The following MTARC2 variants were observed in gnomAD, a reference collection of about 807,000 sequenced individuals.
MTARC2 encodes the protein MOCO sulphurase C-terminal domain containing 2.
In MTARC2, 27 loss-of-function variants were observed where a neutral mutation model predicts 35.6. That is an observed-to-expected ratio of 0.76 (90% CI 0.56 to 1.04). The LOEUF (loss-of-function observed/expected upper bound fraction) is 1.04. Ranked by LOEUF, MTARC2 falls within the 50% of genes least tolerant of loss-of-function variation. The pLI is 0.00. For synonymous variants in MTARC2, 158 were observed against 167.1 expected (o/e 0.95, Z 0.42); for missense variants, 412 against 432.5 (o/e 0.95, Z 0.42).
intron 2 of MTARC2, among the ~76,000 whole-genome samples, chr1:220,757,500 T>C (rs1463441893): frequency 6.6e-6 from 1 of 152,192 alleles, no homozygotes; most frequent in East Asian, 1.9e-4. Flanking sequence ...CAAAATACCA[T>C]AGTCTGGGTG....
intron 1 of MTARC2, among the ~76,000 whole-genome samples, chr1:220,751,715 TG>T (rs1212912093): frequency 6.6e-6 from 1 of 152,160 alleles, no homozygotes; most frequent in African/African-American, 2.4e-5. Context: ...ATAGCTCTTT[TG>T]GGGAATCGGG....
chr1:220,748,364 T>A lies in MTARC2; in HGVS notation c.-168T>A. The A allele has an allele frequency of 6.2e-6, 4 of 649,282 alleles. No individual in the cohort carries two copies. The highest frequency in any genetic ancestry group is 8.9e-6 in the Non-Finnish European group (4 of 449,818). The allele number at this position is 649,282 out of a possible 1,614,324, so 40.2% of individuals were successfully genotyped here. ...GGTCACCGCATTAAGGCATTCCCGC[T>A]CTCCGCGGAACTGCTCTGCCGTCTC... On this transcript the variant is annotated 5_prime_UTR_variant, in exon 1 of 8. Transcript: ENST00000366913.
At chr1:220,757,799 CACAA>C (rs1292799712) in intron 2 of MTARC2, among the ~76,000 whole-genome samples, 3 of 152,178 alleles carry the variant, frequency 2.0e-5, no homozygotes, top group Non-Finnish European at 4.4e-5. Flanking sequence ...TCTGGGGAGA[CACAA>C]ACATTTAGCC....
At chr1:220,768,886 C>T (rs576137385) in intron 4 of MTARC2, among the ~76,000 whole-genome samples, 2 of 152,102 alleles carry the variant, frequency 1.3e-5, no homozygotes, top group Non-Finnish European at 2.9e-5. Context: ...GCATGCCTTT[C>T]AAGGTAAAAG....
At chr1:220,750,820 A>G (rs1336167011) in intron 1 of MTARC2, among the ~76,000 whole-genome samples, 1 of 152,184 alleles carries the variant, frequency 6.6e-6, no homozygotes, top group Non-Finnish European at 1.5e-5. Flanking sequence ...TGCTGTGGGG[A>G]TGTGAACTCA....
Position 220,748,326 on chromosome 1 carries a change from A to G in MTARC2, c.-206A>G. Reference sequence around the variant, plus strand: ...CGCTGTCTGCCTGTCTTCCTCCATTACCGCGCAGGCTTGGTCACCGCATTA... The same window carrying G: ...CGCTGTCTGCCTGTCTTCCTCCATTGCCGCGCAGGCTTGGTCACCGCATTA... On this transcript the variant is annotated 5_prime_UTR_variant, in exon 1 of 8. Coordinates refer to ENST00000366913, the MANE Select transcript of MTARC2 (RefSeq NM_017898.5). 1 of 470,440 alleles carries G rather than the reference A, an allele frequency of 2.1e-6. No individual in the cohort carries two copies. Among genetic ancestry groups the G allele is most frequent in the Non-Finnish European group, 3.4e-6 (1 of 295,162 alleles). 29.1% of individuals were successfully genotyped at this position (470,440 alleles called of 1,614,324 possible).
intron 1 of MTARC2, chr1:220,754,560 A>T (rs1249781084): frequency 2.5e-6 from 1 of 397,230 alleles, no homozygotes; most frequent in Non-Finnish European, 5.0e-6. Flanking sequence ...CCTGAAAGCT[A>T]TTTTACTTCT....
At chr1:220,782,597 C>G (rs1672108161) in intron 7 of MTARC2, among the ~76,000 whole-genome samples, 1 of 152,078 alleles carries the variant, frequency 6.6e-6, no homozygotes, top group Admixed American at 6.5e-5. Flanking sequence ...AATCCATGAC[C>G]CAGTTCTTTA....
intron 4 of MTARC2, among the ~76,000 whole-genome samples, chr1:220,776,802 C>CA (rs1395248403): frequency 2.0e-5 from 3 of 152,322 alleles, no homozygotes; most frequent in Admixed American, 6.5e-5. Context: ...CTCTCACACA[C>CA]AAAAAATTGA....
intron 1 of MTARC2, among the ~76,000 whole-genome samples, 192 bp from the exon 2 acceptor site, chr1:220,754,755 A>G (rs1671229943): frequency 6.6e-6 from 1 of 152,206 alleles, no homozygotes; most frequent in South Asian, 2.1e-4. Flanking sequence ...GTTTCCGCCA[A>G]ATAAGCTCTT....
intron 2 of MTARC2, among the ~76,000 whole-genome samples, chr1:220,760,788 T>C (rs1205419383): frequency 6.6e-6 from 1 of 152,176 alleles, no homozygotes; most frequent in African/African-American, 2.4e-5. Flanking sequence ...GCCATAAAAA[T>C]ACATTAGGAT....
At chr1:220,761,468 GT>G (rs1284401340) in intron 2 of MTARC2, among the ~76,000 whole-genome samples, 189 bp from the exon 3 acceptor site, 1 of 152,194 alleles carries the variant, frequency 6.6e-6, no homozygotes, top group Non-Finnish European at 1.5e-5. Flanking sequence ...ATACATTAGG[GT>G]TTGGGTAGCT....
At chr1:220,776,855 G>A (rs1446770746) in intron 4 of MTARC2, among the ~76,000 whole-genome samples, 2 of 152,186 alleles carry the variant, frequency 1.3e-5, no homozygotes, top group African/African-American at 2.4e-5. Flanking sequence ...AGCACAGCGC[G>A]GCTGGGTCGG....
chr1:220,772,874 T>A (rs1671783551), intron 4 of MTARC2, among the ~76,000 whole-genome samples: 1 of 152,136 alleles, frequency 6.6e-6, no homozygotes, highest in African/African-American at 2.4e-5. Context: ...ATAGAAAAAA[T>A]AACTTTCGGT....
chr1:220,758,143 C>A (rs1439672123), intron 2 of MTARC2, among the ~76,000 whole-genome samples: 1 of 151,914 alleles, frequency 6.6e-6, no homozygotes, highest in Non-Finnish European at 1.5e-5. Flanking sequence ...CGCCACCACG[C>A]CCAGCTAATT....
rs866055510 is a variant in MTARC2, at chr1:220,762,974, C to T, written c.674C>T (p.Thr225Ile). 7 of 1,613,968 alleles carry T rather than the reference C, an allele frequency of 4.3e-6. No individual in the cohort carries two copies. In the African/African-American group the frequency reaches 9.3e-5, roughly 22 times the overall value. Reference protein sequence around the residue: ...MTDASLVDLNTRMEKKMKMEN... With the variant: ...MTDASLVDLNIRMEKKMKMEN... ...GATGCCTCCCTGGTAGATTTGAATA[C>T]CAGGATGGAGAAGAAAATGAAAATG... Residue 225 changes from threonine to isoleucine, a missense_variant, in exon 4 of 8, where the codon ACC becomes ATC. By Grantham distance (89) the Thr-to-Ile change is moderately conservative. Transcript: ENST00000366913.
At position 220,779,854 on chromosome 1, in the gene MTARC2, A is replaced by C. The variant is rs562352495; in HGVS notation, c.751-164A>C. On this transcript the variant is annotated intron_variant, in intron 4 of 7. Transcript: ENST00000366913. ...GTCAAGAGGTGGACCTGAACTTGCC[A>C]GCATTCTGCCTCCCTTTGAGTCCTC... The C allele has an allele frequency of 3.4e-5, 17 of 504,794 alleles. No individual in the cohort carries two copies. The Middle Eastern group carries it at 1.5e-3, about 46-fold the overall frequency. The allele number at this position is 504,794 out of a possible 1,614,324, so 31.3% of individuals were successfully genotyped here. A position where few individuals can be genotyped will look rare whatever the true frequency, so the allele number is the denominator to read the frequency against.
chr1:220,749,619 C>T (rs763913589), intron 1 of MTARC2, among the ~76,000 whole-genome samples: 10 of 151,834 alleles, frequency 6.6e-5, no homozygotes, highest in Non-Finnish European at 1.0e-4. Context: ...TTAGTAGAAA[C>T]GGGGTTTCAC....
At chr1:220,770,579 G>C in intron 4 of MTARC2, 1 of 984,950 alleles carries the variant, frequency 1.0e-6, no homozygotes, top group Admixed American at 6.1e-5. Context: ...TGATCTCAGA[G>C]ACCATGACCC....
Sources: allele counts gnomAD v4.1 joint callset (sites outside exome capture counted in the v4.1 genomes callset), GRCh38; gene constraint gnomAD v4.1.1; transcripts MANE v1.5; gene names NCBI Gene and HGNC (gene_info 2026-07-23, HGNC 2026-07-21).